Variants in CLASP1 observed in about 807,000 individuals in gnomAD.
CLASP1 encodes the protein CLIP-associating protein 1.
A neutral mutation model predicts 192.3 loss-of-function variants in CLASP1; 38 were observed. The ratio of observed to expected loss-of-function variants is 0.20; its 90% CI spans 0.15 to 0.26. The LOEUF (loss-of-function observed/expected upper bound fraction) is 0.26, where lower values mean the gene tolerates loss of function less well. Among genes scored for constraint, CLASP1 ranks in the 10% least tolerant of loss-of-function variants. CLASP1 has a pLI of 1.00. For missense variants in CLASP1, 1,433 were observed against 1,932.5 expected (o/e 0.74, Z 4.85); for synonymous variants, 691 against 712.8 (o/e 0.97, Z 0.49).
At chr2:121,525,800 G>T in intron 6 of CLASP1, 45 bp downstream of exon 6, 1 of 1,369,512 alleles carries the variant, frequency 7.3e-7, no homozygotes, top group Non-Finnish European at 1.0e-6. Context: ...CATCTCAACA[G>T]TCTGTAAGCA....
intron 21 of CLASP1, among the ~76,000 whole-genome samples, chr2:121,426,815 G>A (rs1038471041): frequency 5.8e-4 from 89 of 152,154 alleles, no homozygotes; most frequent in Non-Finnish European, 2.4e-4. Context: ...TTCTCTCTCA[G>A]AGGAAACAAC....
At chr2:121,524,088 C>A (rs1270398487) in intron 6 of CLASP1, among the ~76,000 whole-genome samples, 1 of 152,096 alleles carries the variant, frequency 6.6e-6, no homozygotes, top group East Asian at 1.9e-4. Flanking sequence ...GAGGTGACAG[C>A]CCTCCACCGC....
chr2:121,531,114 A>T (rs1029812895), intron 2 of CLASP1: 8 of 635,320 alleles, frequency 1.3e-5, no homozygotes, highest in Admixed American at 9.3e-5. Context: ...GCGTGGTTTT[A>T]GTGTCGCAAG....
intron 37 of CLASP1, among the ~76,000 whole-genome samples, chr2:121,359,575 A>G (rs1217788575): frequency 6.6e-6 from 1 of 152,218 alleles, no homozygotes; most frequent in Non-Finnish European, 1.5e-5. Context: ...CAAAATTTTA[A>G]AAGGTCACTC....
At chr2:121,438,744 G>A (rs1320306706) in intron 19 of CLASP1, among the ~76,000 whole-genome samples, 3 of 151,662 alleles carry the variant, frequency 2.0e-5, no homozygotes, top group Non-Finnish European at 2.9e-5. Context: ...GTATTTTATT[G>A]AGGATTTTTG....
intron 8 of CLASP1, chr2:121,490,125 T>G (rs902247231): frequency 6.7e-6 from 2 of 298,500 alleles, no homozygotes; most frequent in Non-Finnish European, 1.3e-5. Flanking sequence ...AATTTTTCAC[T>G]GCTTAAATAC....
At chr2:121,635,899 T>C (rs1308567328) in intron 1 of CLASP1, among the ~76,000 whole-genome samples, 1 of 152,198 alleles carries the variant, frequency 6.6e-6, no homozygotes. Context: ...GAATCTTAAA[T>C]AGCTAGTTAA....
intron 1 of CLASP1, among the ~76,000 whole-genome samples, chr2:121,611,699 T>C (rs578123955): frequency 1.5e-3 from 187 of 120,710 alleles, no homozygotes; most frequent in Non-Finnish European, 2.5e-3. Context: ...TTGGAGGAGT[T>C]ACAGGAGGAA....
At chr2:121,635,256 C>T (rs190373897) in intron 1 of CLASP1, among the ~76,000 whole-genome samples, 25 of 151,874 alleles carry the variant, frequency 1.6e-4, no homozygotes, top group Admixed American at 1.2e-3. Flanking sequence ...GAAAATGACT[C>T]TGTTGATTGA....
intron 9 of CLASP1, among the ~76,000 whole-genome samples, chr2:121,467,179 T>C (rs1375383627): frequency 6.6e-6 from 1 of 152,248 alleles, no homozygotes; most frequent in Non-Finnish European, 1.5e-5. Flanking sequence ...GTGGTATACA[T>C]GTACCACACT....
chr2:121,387,635 C>T, intron 31 of CLASP1, 128 bp downstream of exon 32: 2 of 901,924 alleles, frequency 2.2e-6, no homozygotes, highest in Non-Finnish European at 3.4e-6. Context: ...TGGCCCCATC[C>T]TCAGGATGCT....
chr2:121,431,631 C>G (rs2081415173), intron 19 of CLASP1, among the ~76,000 whole-genome samples: 1 of 152,030 alleles, frequency 6.6e-6, no homozygotes, highest in African/African-American at 2.4e-5. Flanking sequence ...TTTAAATGAA[C>G]ATGTATACTC....
At chr2:121,516,492 A>T (rs886146841) in intron 6 of CLASP1, among the ~76,000 whole-genome samples, 2 of 152,198 alleles carry the variant, frequency 1.3e-5, no homozygotes, top group South Asian at 4.1e-4. Flanking sequence ...ATGCTTCAGG[A>T]AGAGGAAGTA....
intron 1 of CLASP1, among the ~76,000 whole-genome samples, chr2:121,636,338 A>AAATCAT (rs2070859166): frequency 7.2e-6 from 1 of 138,174 alleles, no homozygotes; most frequent in Non-Finnish European, 1.5e-5. Context: ...TCCATTTCAA[A>AAATCAT]AATAATAATA....
intron 2 of CLASP1, among the ~76,000 whole-genome samples, chr2:121,544,423 T>G (rs1241724685): frequency 1.4e-5 from 2 of 145,122 alleles, no homozygotes; most frequent in Non-Finnish European, 3.0e-5. Flanking sequence ...ATTTTACTAC[T>G]TTCAAAAAAT....
In CLASP1 at chr2:121,602,131, C is replaced by T. The variant is rs185697771; in HGVS notation, c.195+3570G>A. 1.1e-4 allele frequency among the ~76,000 whole-genome samples: 17 copies of T among 150,988 alleles called. No individual in the cohort carries two copies. In the East Asian group the frequency reaches 1.2e-3, roughly 10 times the overall value. On this transcript the variant is annotated intron_variant, in intron 2 of 39. Transcript: ENST00000263710. ...CGGAGGTTGCAGTGAGCCGAGATTA[C>T]GCCACTGCACTCCAGCCTGGGCAAA...
chr2:121,541,822 G>A (rs753701565), intron 2 of CLASP1, among the ~76,000 whole-genome samples: 33 of 152,276 alleles, frequency 2.2e-4, no homozygotes, highest in Admixed American at 5.2e-4. Flanking sequence ...TGAGGCTAAC[G>A]AAGTTTTAAC....
chr2:121,535,619 T>C (rs530792681), intron 2 of CLASP1, among the ~76,000 whole-genome samples: 3 of 151,044 alleles, frequency 2.0e-5, no homozygotes, highest in South Asian at 2.1e-4. Context: ...TGAGAGACAA[T>C]AGGTAAAAAG....
At chr2:121,474,329 G>A (rs1159954277) in intron 8 of CLASP1, among the ~76,000 whole-genome samples, 1 of 152,110 alleles carries the variant, frequency 6.6e-6, no homozygotes, top group Admixed American at 6.6e-5. Flanking sequence ...ATTTTTCAAA[G>A]TTAATCATAA....
Sources: gnomAD v4.1 joint callset for allele counts (sites outside exome capture counted in the v4.1 genomes callset) on GRCh38, gnomAD v4.1.1 for gene constraint, MANE v1.5 for transcripts, NCBI Gene and HGNC (gene_info 2026-07-23, HGNC 2026-07-21) for gene names.